Variants in ABTB3 observed in about 807,000 individuals in gnomAD.
ABTB3 encodes the protein ankyrin repeat- and BTB/POZ domain-containing protein 3.
At chr12:107,344,978 A>G in the ABTB3 span, among the ~76,000 whole-genome samples, 5 of 152,224 alleles carry the variant, frequency 3.3e-5, no homozygotes, top group African/African-American at 1.2e-4. Flanking sequence ...CAACCTCATA[A>G]CTTTATGGCC....
the ABTB3 span, among the ~76,000 whole-genome samples, chr12:107,628,657 TA>T: frequency 5.3e-5 from 8 of 152,220 alleles, no homozygotes; most frequent in Admixed American, 2.6e-4. Context: ...TATGACATCT[TA>T]AAAAAAGGGA....
the ABTB3 span, among the ~76,000 whole-genome samples, chr12:107,331,315 T>C: frequency 2.0e-5 from 3 of 152,222 alleles, no homozygotes; most frequent in African/African-American, 7.2e-5. Context: ...CCCGCCCTCA[T>C]GGAGCTTGCA....
chr12:107,533,771 A>C, the ABTB3 span, among the ~76,000 whole-genome samples: 2 of 152,218 alleles, frequency 1.3e-5, no homozygotes, highest in Non-Finnish European at 2.9e-5. Flanking sequence ...CTTTAAGCCA[A>C]ATGGATTTAA....
chr12:107,525,762 T>C, the ABTB3 span, among the ~76,000 whole-genome samples: 1 of 152,210 alleles, frequency 6.6e-6, no homozygotes, highest in Admixed American at 6.5e-5. Context: ...CTTGATCACC[T>C]GGAATGTCCA....
the ABTB3 span, among the ~76,000 whole-genome samples, chr12:107,419,788 A>C: frequency 6.6e-6 from 1 of 152,212 alleles, no homozygotes; most frequent in African/African-American, 2.4e-5. Flanking sequence ...ATTTCAGCCC[A>C]GACTTGCTAA....
chr12:107,642,482 T>C, the ABTB3 span, among the ~76,000 whole-genome samples: 32,473 of 151,978 alleles, frequency 0.21, 4,026 homozygotes, highest in African/African-American at 0.33. Context: ...TCAATTACAG[T>C]ATACAGTAGA....
At chr12:107,452,795 C>T in the ABTB3 span, among the ~76,000 whole-genome samples, 5 of 152,190 alleles carry the variant, frequency 3.3e-5, no homozygotes, top group South Asian at 4.2e-4. Context: ...GAGCCAAGAT[C>T]GTGCCACTGC....
the ABTB3 span, among the ~76,000 whole-genome samples, chr12:107,456,200 T>C: frequency 6.6e-6 from 1 of 152,168 alleles, no homozygotes; most frequent in South Asian, 2.1e-4. Context: ...TTATCCCCAT[T>C]TCACAGATAA....
the ABTB3 span, among the ~76,000 whole-genome samples, chr12:107,606,874 C>A: frequency 6.6e-6 from 1 of 152,170 alleles, no homozygotes; most frequent in Non-Finnish European, 1.5e-5. Context: ...CAGACCCGTG[C>A]GCACCTCTCC....
chr12:107,465,267 A>C, the ABTB3 span, among the ~76,000 whole-genome samples: 1 of 152,180 alleles, frequency 6.6e-6, no homozygotes, highest in African/African-American at 2.4e-5. Context: ...CAACACAGCG[A>C]GGAAGGCACC....
the ABTB3 span, among the ~76,000 whole-genome samples, chr12:107,393,918 A>C: frequency 6.6e-6 from 1 of 152,168 alleles, no homozygotes; most frequent in Non-Finnish European, 1.5e-5. Flanking sequence ...CAACAGAGTG[A>C]GACTCCATCT....
chr12:107,556,968 C>T, the ABTB3 span, among the ~76,000 whole-genome samples: 217 of 151,878 alleles, frequency 1.4e-3, 2 homozygotes, highest in East Asian at 2.7e-3. Flanking sequence ...GCTGAGATCG[C>T]GCCATTGCAC....
chr12:107,657,615 A>C, the ABTB3 span: 9 of 1,614,212 alleles, frequency 5.6e-6, no homozygotes, highest in Non-Finnish European at 7.6e-6. Flanking sequence ...TATGACAAAA[A>C]TGGTGAAGGG....
chr12:107,415,475 G>A, the ABTB3 span, among the ~76,000 whole-genome samples: 5 of 152,036 alleles, frequency 3.3e-5, no homozygotes, highest in Non-Finnish European at 4.4e-5. Context: ...TTGGGAGGCC[G>A]AGGTGGGCGG....
chr12:107,459,917 A>C, the ABTB3 span, among the ~76,000 whole-genome samples: 1 of 152,128 alleles, frequency 6.6e-6, no homozygotes, highest in Non-Finnish European at 1.5e-5. Context: ...CCTGGCATTC[A>C]TCTCTCAGTG....
chr12:107,393,860 G>T, the ABTB3 span, among the ~76,000 whole-genome samples: 1 of 152,124 alleles, frequency 6.6e-6, no homozygotes, highest in Admixed American at 6.5e-5. Flanking sequence ...AACCTGGGAG[G>T]CGGAGCTTGC....
the ABTB3 span, among the ~76,000 whole-genome samples, chr12:107,321,603 CCACA>C: frequency 1.7e-3 from 148 of 85,434 alleles, 1 homozygote; most frequent in African/African-American, 5.6e-3. Context: ...ATCTTCGAGG[CCACA>C]CACACACACA....
At chr12:107,615,096 C>T in the ABTB3 span, 2 of 1,614,068 alleles carry the variant, frequency 1.2e-6, no homozygotes, top group Non-Finnish European at 8.5e-7. Flanking sequence ...CATCCGTCCA[C>T]CCCGAGACCC....
the ABTB3 span, among the ~76,000 whole-genome samples, chr12:107,456,413 T>C: frequency 6.6e-6 from 1 of 152,170 alleles, no homozygotes; most frequent in Non-Finnish European, 1.5e-5. Context: ...ATTCTCAGAG[T>C]GGCACGAACC....
Sources: gnomAD v4.1 joint callset for allele counts (sites outside exome capture counted in the v4.1 genomes callset) on GRCh38, gnomAD v4.1.1 for gene constraint, MANE v1.5 for transcripts, NCBI Gene and HGNC (gene_info 2026-07-23, HGNC 2026-07-21) for gene names.